PSMD9: variants seen among roughly 807,000 people sequenced by gnomAD.
The protein encoded by PSMD9 is proteasome 26S subunit, non-ATPase 9, also known as 26S proteasome non-ATPase regulatory subunit 9.
Under a neutral mutation model 25.9 loss-of-function variants are expected in PSMD9, and 26 were observed. The observed-to-expected ratio is 1.00, with a 90% CI of 0.73 to 1.39. The LOEUF is 1.39. Among genes scored for constraint, PSMD9 ranks in the 40% most tolerant of loss-of-function variants. The probability of loss-of-function intolerance (pLI) is 0.00; values close to 1 mark genes in which losing one functional copy is unlikely to be tolerated. For missense variants in PSMD9, 303 were observed against 299.3 expected, an observed-to-expected ratio of 1.01 and a Z score of -0.09; for synonymous variants, 110 against 114.5, an observed-to-expected ratio of 0.96 and a Z score of 0.25.
At chr12:121,901,794 T>C (rs1879408307) in intron 3 of PSMD9, among the ~76,000 whole-genome samples, 1 of 148,402 alleles carries the variant, frequency 6.7e-6, no homozygotes, top group Non-Finnish European at 1.5e-5. Context: ...TCCTGCCTCA[T>C]CCTCCCGAGT....
chr12:121,900,043 C>T (rs948289322), intron 3 of PSMD9, among the ~76,000 whole-genome samples, 198 bp downstream of exon 3: 4 of 152,120 alleles, frequency 2.6e-5, no homozygotes, highest in South Asian at 4.1e-4. Flanking sequence ...GGGTCAGCCC[C>T]GGCTGCCCAC....
intron 4 of PSMD9, among the ~76,000 whole-genome samples, chr12:121,908,906 G>A (rs1879636412): frequency 6.6e-6 from 1 of 152,116 alleles, no homozygotes; most frequent in African/African-American, 2.4e-5. Flanking sequence ...ATGGAGAGAA[G>A]GGGAGGAGGT....
intron 4 of PSMD9, among the ~76,000 whole-genome samples, chr12:121,912,013 ATTTATTT>A (rs1451514652): frequency 1.3e-5 from 1 of 75,642 alleles, no homozygotes; most frequent in African/African-American, 3.7e-5. Flanking sequence ...TTGCTTATTT[ATTTATTT>A]ATTTATTTAT....
At chr12:121,896,070 A>T (rs1172137789) in intron 2 of PSMD9, among the ~76,000 whole-genome samples, 1 of 150,882 alleles carries the variant, frequency 6.6e-6, no homozygotes, top group African/African-American at 2.4e-5. Context: ...CAGTGGCACG[A>T]TCTTGGCTCA....
At chr12:121,900,113 G>A (rs1258307296) in intron 3 of PSMD9, among the ~76,000 whole-genome samples, 1 of 152,192 alleles carries the variant, frequency 6.6e-6, no homozygotes, top group Non-Finnish European at 1.5e-5. Flanking sequence ...TCCCAAGAGA[G>A]GGAGAGGATC....
At chr12:121,911,564 T>C (rs1250496670) in intron 4 of PSMD9, among the ~76,000 whole-genome samples, 1 of 152,220 alleles carries the variant, frequency 6.6e-6, no homozygotes, top group East Asian at 1.9e-4. Context: ...TCTGCTTTCA[T>C]TTCTTTGTAT....
intron 4 of PSMD9, among the ~76,000 whole-genome samples, chr12:121,912,426 C>T (rs183841370): frequency 1.5e-4 from 23 of 152,268 alleles, no homozygotes; most frequent in Admixed American, 7.2e-4. Flanking sequence ...CCATTTTCCC[C>T]GCTTCCTCGC....
chr12:121,913,774 C>T (rs1050455555), intron 4 of PSMD9, among the ~76,000 whole-genome samples: 3 of 152,152 alleles, frequency 2.0e-5, no homozygotes, highest in African/African-American at 7.2e-5. Flanking sequence ...GTTGGGATTA[C>T]AGGCATGAGC....
chr12:121,906,607 A>G (rs1020131724), intron 4 of PSMD9, among the ~76,000 whole-genome samples: 1 of 151,078 alleles, frequency 6.6e-6, no homozygotes, highest in African/African-American at 2.4e-5. Flanking sequence ...GATCGAGACC[A>G]TCCTGCCCAA....
intron 2 of PSMD9, among the ~76,000 whole-genome samples, chr12:121,895,433 T>A (rs1879203312): frequency 6.6e-6 from 1 of 152,174 alleles, no homozygotes; most frequent in African/African-American, 2.4e-5. Flanking sequence ...ACAGATTGGA[T>A]AGTATATTTG....
intron 4 of PSMD9, among the ~76,000 whole-genome samples, chr12:121,912,042 T>TTTATTTAG (rs1388234561): frequency 6.7e-6 from 1 of 149,262 alleles, no homozygotes. Context: ...TATTTATTTA[T>TTTATTTAG]TTATTTATTT....
rs1211730334 is a variant in PSMD9 at position 121,907,175 on chromosome 12, T to G, written c.555+4068T>G. On this transcript the variant is annotated intron_variant, in intron 4 of 5. Coordinates refer to ENST00000541212, the MANE Select transcript of PSMD9 (RefSeq NM_002813.7). ...ACCTCCGCCTCACAGATTCAAGCGA[T>G]TCTCCTGCCTCAGCCTCCCAAGTAG... Among the ~76,000 whole-genome samples the G allele has an allele frequency of 2.0e-5, 3 of 151,806 alleles. No homozygotes were observed. The South Asian group carries it at 6.3e-4, about 32-fold the overall frequency.
At chr12:121,914,539 C>T (rs10840630) in intron 4 of PSMD9, 48,674 of 147,746 alleles carry the variant, frequency 0.33, 10,095 homozygotes, top group Non-Finnish European at 0.48. Context: ...GACAGAGAAC[C>T]CATCTCAAAA....
chr12:121,909,865 G>C (rs1879667689), intron 4 of PSMD9, among the ~76,000 whole-genome samples: 1 of 151,978 alleles, frequency 6.6e-6, no homozygotes, highest in Non-Finnish European at 1.5e-5. Context: ...CCTTGCCTGT[G>C]GGAGAATTTC....
At chr12:121,889,733 T>C (rs1002721711) in intron 1 of PSMD9, among the ~76,000 whole-genome samples, 7 of 151,968 alleles carry the variant, frequency 4.6e-5, no homozygotes, top group East Asian at 3.9e-4. Flanking sequence ...AGGCCCAGAG[T>C]GGGGCAAACG....
In PSMD9 at chr12:121,899,616, G is replaced by C. The variant is rs1445135672; in HGVS notation, c.242-18G>C. 1 of 1,580,940 alleles carries C rather than the reference G, an allele frequency of 6.3e-7. No individual in the cohort carries two copies. Among genetic ancestry groups the C allele is most frequent in the Non-Finnish European group, 8.6e-7 (1 of 1,162,816 alleles). On this transcript the variant is annotated intron_variant, in intron 2 of 5. Coordinates refer to ENST00000541212, the MANE Select transcript of PSMD9 (RefSeq NM_002813.7). The stretch of plus-strand genomic sequence containing the variant: ...TCCACTGTCTTCCTTGGCCCCTGAT[G>C]TGTGGTTCTCATCCCAGGCCTGCAG...
In PSMD9 at chr12:121,917,909, AC is replaced by A. The variant is rs1459228212; in HGVS notation, c.*1600del. 1 of 152,182 alleles carries A rather than the reference AC, an allele frequency of 6.6e-6. No homozygotes were observed. Among genetic ancestry groups the A allele is most frequent in the African/African-American group, 2.4e-5 (1 of 41,440 alleles). 9.4% of individuals were successfully genotyped at this position (152,182 alleles called of 1,614,324 possible). A position where few individuals can be genotyped will look rare whatever the true frequency, so the allele number is the denominator to read the frequency against. On this transcript the variant is annotated 3_prime_UTR_variant, in exon 6 of 6. Coordinates refer to ENST00000541212, the MANE Select transcript of PSMD9 (RefSeq NM_002813.7). ...AAGATGTATGCATATTAATCAATTT[AC>A]CATCACTGGGGCATGGCAGTGTGGG...
chr12:121,896,836 C>CAA lies in PSMD9; in HGVS notation c.241+2011_241+2012dup, dbSNP rs755152569. Among the ~76,000 whole-genome samples, 117 of 57,456 alleles carry CAA rather than the reference C, an allele frequency of 2.0e-3. 1 individual carries two copies. The highest frequency in any genetic ancestry group is 4.5e-3 in the African/African-American group (99 of 22,150). The allele number at this position is 57,456 out of a possible 152,430, so 37.7% of individuals were successfully genotyped here. A position where few individuals can be genotyped will look rare whatever the true frequency, so the allele number is the denominator to read the frequency against. On this transcript the variant is annotated intron_variant, in intron 2 of 5. Transcript: ENST00000541212. ...GGGCAACAAGAGTGAAACTCTGTCT[C>CAA]AAAAAAAAAAAAAAAAAGAAAAGAA...
intron 4 of PSMD9, among the ~76,000 whole-genome samples, chr12:121,906,093 A>C (rs1271891096): frequency 1.3e-5 from 2 of 152,172 alleles, no homozygotes; most frequent in Non-Finnish European, 2.9e-5. Context: ...AATCTGTTTT[A>C]TCCAGTTAAA....
Sources: allele counts gnomAD v4.1 joint callset (sites outside exome capture counted in the v4.1 genomes callset), GRCh38; gene constraint gnomAD v4.1.1; transcripts MANE v1.5; gene names NCBI Gene and HGNC (gene_info 2026-07-23, HGNC 2026-07-21).